The following KCNIP4 variants were observed in gnomAD, a reference collection of about 807,000 sequenced individuals.
The protein encoded by KCNIP4 is Kv channel-interacting protein 4.
Under a neutral mutation model 34.0 loss-of-function variants are expected in KCNIP4, and 12 were observed. The observed-to-expected ratio is 0.35, with a 90% CI of 0.23 to 0.57. The LOEUF is 0.57. Ranked by LOEUF, KCNIP4 falls within the 20% of genes least tolerant of loss-of-function variation. The pLI, the probability that KCNIP4 is intolerant of heterozygous loss-of-function variation, is 0.83. For synonymous variants in KCNIP4, 124 were observed against 102.2 expected (o/e 1.21, Z -1.29); for missense variants, 238 against 311.7 (o/e 0.76, Z 1.78).
At chr4:21,723,736 A>G (rs1254341834) in intron 1 of KCNIP4, among the ~76,000 whole-genome samples, 1 of 152,082 alleles carries the variant, frequency 6.6e-6, no homozygotes, top group African/African-American at 2.4e-5. Context: ...TAGCCTTTAG[A>G]TCAACTCAAA....
intron 1 of KCNIP4, among the ~76,000 whole-genome samples, chr4:21,317,113 T>C (rs1233008673): frequency 6.6e-6 from 1 of 152,200 alleles, no homozygotes; most frequent in Non-Finnish European, 1.5e-5. Flanking sequence ...AGTGTTCTTG[T>C]GGGATATAAA....
chr4:21,083,162 T>C (rs1746146989), intron 1 of KCNIP4, among the ~76,000 whole-genome samples: 1 of 151,794 alleles, frequency 6.6e-6, no homozygotes, highest in Non-Finnish European at 1.5e-5. Context: ...AAGGTGGGAA[T>C]TGACTGTAGG....
chr4:21,007,830 A>T (rs11943967), intron 1 of KCNIP4, among the ~76,000 whole-genome samples: 2,417 of 152,258 alleles, frequency 0.016, 69 homozygotes, highest in African/African-American at 0.055. Context: ...TCATCCCTTG[A>T]CTTTCTTTTC....
At chr4:21,508,998 T>C (rs1734088415) in intron 1 of KCNIP4, among the ~76,000 whole-genome samples, 1 of 152,118 alleles carries the variant, frequency 6.6e-6, no homozygotes, top group South Asian at 2.1e-4. Context: ...TCAATAGGAG[T>C]CTGTATGCCC....
In KCNIP4 at chr4:20,744,020, C is replaced by T. The variant is rs535626318; in HGVS notation, c.429+5642G>A. Among the ~76,000 whole-genome samples the T allele has an allele frequency of 7.6e-4, 115 of 152,220 alleles. 2 individuals are homozygous for T. The highest frequency in any genetic ancestry group is 2.5e-3 in the African/African-American group (103 of 41,534). On this transcript the variant is annotated intron_variant, in intron 5 of 8. Coordinates refer to ENST00000382152, the MANE Select transcript of KCNIP4 (RefSeq NM_025221.6). ...ACCAGACACATGAAAAAATGCTCAT[C>T]ATCACTGGCCATCAGAGAAATGCAA...
chr4:21,569,026 G>A (rs1030212463), intron 1 of KCNIP4, among the ~76,000 whole-genome samples: 13 of 151,694 alleles, frequency 8.6e-5, no homozygotes, highest in Admixed American at 7.2e-4. Context: ...CACTCTCACC[G>A]CATTCAGAGC....
At chr4:21,151,123 G>A (rs916776759) in intron 1 of KCNIP4, among the ~76,000 whole-genome samples, 19 of 152,114 alleles carry the variant, frequency 1.2e-4, no homozygotes, top group African/African-American at 4.3e-4. Flanking sequence ...GGAAATACCT[G>A]TGTTAGAAGA....
At chr4:21,528,670 AAAAAC>A (rs1736194953) in intron 1 of KCNIP4, among the ~76,000 whole-genome samples, 1 of 107,562 alleles carries the variant, frequency 9.3e-6, no homozygotes, top group African/African-American at 3.8e-5. Context: ...CTGTCTCATA[AAAAAC>A]AAAGAAAGAA....
intron 1 of KCNIP4, among the ~76,000 whole-genome samples, chr4:21,520,878 A>G (rs1352956315): frequency 6.6e-6 from 1 of 152,130 alleles, no homozygotes; most frequent in East Asian, 1.9e-4. Context: ...TGTGGGGAAA[A>G]TGTATGCTCT....
chr4:21,092,632 A>G (rs1309418262), intron 1 of KCNIP4, among the ~76,000 whole-genome samples: 1 of 152,034 alleles, frequency 6.6e-6, no homozygotes, highest in African/African-American at 2.4e-5. Flanking sequence ...ATGCTCCTTC[A>G]TAAGGGTAGA....
chr4:21,033,413 G>A (rs910154830), intron 1 of KCNIP4, among the ~76,000 whole-genome samples: 2 of 152,148 alleles, frequency 1.3e-5, no homozygotes, highest in African/African-American at 4.8e-5. Flanking sequence ...AGTCAAGCAG[G>A]GCTATGTTTT....
intron 1 of KCNIP4, among the ~76,000 whole-genome samples, chr4:21,095,604 T>C (rs1038050629): frequency 6.7e-6 from 1 of 149,448 alleles, no homozygotes; most frequent in Middle Eastern, 3.4e-3. Context: ...TAAACTACTA[T>C]GCAGAGTGCA....
intron 1 of KCNIP4, among the ~76,000 whole-genome samples, chr4:21,088,801 T>C (rs1454484668): frequency 6.6e-6 from 1 of 152,154 alleles, no homozygotes; most frequent in East Asian, 1.9e-4. Context: ...CATATCAAAC[T>C]GCACTGTTCC....
At chr4:21,471,690 T>A (rs938459954) in intron 1 of KCNIP4, among the ~76,000 whole-genome samples, 5 of 152,276 alleles carry the variant, frequency 3.3e-5, no homozygotes, top group East Asian at 3.9e-4. Context: ...TCAGTATCAA[T>A]CTTGTGGAAC....
intron 1 of KCNIP4, among the ~76,000 whole-genome samples, chr4:21,120,778 C>T (rs559640549): frequency 6.6e-6 from 1 of 152,154 alleles, no homozygotes; most frequent in Admixed American, 6.5e-5. Flanking sequence ...GGACACAAAG[C>T]CTAACCATAT....
At chr4:21,506,377 C>T (rs1382177741) in intron 1 of KCNIP4, among the ~76,000 whole-genome samples, 1 of 152,146 alleles carries the variant, frequency 6.6e-6, no homozygotes, top group Non-Finnish European at 1.5e-5. Flanking sequence ...AATAACAGTA[C>T]TTGTCTCACT....
intron 1 of KCNIP4, among the ~76,000 whole-genome samples, chr4:21,563,359 A>T (rs1739606878): frequency 6.6e-6 from 1 of 152,152 alleles, no homozygotes; most frequent in African/African-American, 2.4e-5. Flanking sequence ...AAATTTTTAC[A>T]TAAAGTCTGT....
At chr4:21,024,473 C>T (rs2149753252) in intron 1 of KCNIP4, among the ~76,000 whole-genome samples, 1 of 152,298 alleles carries the variant, frequency 6.6e-6, no homozygotes, top group Non-Finnish European at 1.5e-5. Flanking sequence ...TTGAATCGTA[C>T]TTATAGTCAT....
At chr4:21,290,913 C>T (rs1412431373) in intron 1 of KCNIP4, among the ~76,000 whole-genome samples, 2 of 152,192 alleles carry the variant, frequency 1.3e-5, no homozygotes, top group East Asian at 1.9e-4. Flanking sequence ...CTAAGCACTT[C>T]ATGTCTATTA....
Sources: gnomAD v4.1 joint callset for allele counts (sites outside exome capture counted in the v4.1 genomes callset) on GRCh38, gnomAD v4.1.1 for gene constraint, MANE v1.5 for transcripts, NCBI Gene and HGNC (gene_info 2026-07-23, HGNC 2026-07-21) for gene names.